Variants in MGAT5 observed in about 807,000 individuals in gnomAD.
The protein encoded by MGAT5 is alpha-1,6-mannosylglycoprotein 6-beta-N-acetylglucosaminyltransferase, also known as alpha-1,6-mannosylglycoprotein 6-beta-N-acetylglucosaminyltransferase A.
In MGAT5, 30 loss-of-function variants were observed where a neutral mutation model predicts 94.3. The ratio of observed to expected loss-of-function variants is 0.32; its 90% CI spans 0.24 to 0.43. The LOEUF is 0.43. MGAT5 is among the 20% of genes least tolerant of loss of function. The pLI, the probability that MGAT5 is intolerant of heterozygous loss-of-function variation, is 1.00. For synonymous variants in MGAT5, 310 were observed against 322.9 expected (o/e 0.96, Z 0.43); for missense variants, 691 against 905.5 (o/e 0.76, Z 3.04).
intron 2 of MGAT5, among the ~76,000 whole-genome samples, chr2:134,293,465 A>AT (rs1205881647): frequency 1.3e-5 from 2 of 149,100 alleles, no homozygotes; most frequent in East Asian, 4.1e-4. Context: ...TCTTTGCTTT[A>AT]TTTTTTTATT....
In MGAT5 at chr2:134,274,172, A is replaced by G. The variant is rs149261679; in HGVS notation, c.406+3622A>G. Among the ~76,000 whole-genome samples, 22 of 152,364 alleles carry G rather than the reference A, an allele frequency of 1.4e-4. No homozygotes were observed. The East Asian group carries it at 4.0e-3, about 28-fold the overall frequency. Reference sequence around the variant, plus strand: ...CTTCTAAGGACTGAATGTCTGATATATCTTTGTTCTGCCCATAGTGTCTTG... The same window carrying G: ...CTTCTAAGGACTGAATGTCTGATATGTCTTTGTTCTGCCCATAGTGTCTTG... On this transcript the variant is annotated intron_variant, in intron 2 of 15. Transcript: ENST00000281923.
intron 1 of MGAT5, among the ~76,000 whole-genome samples, chr2:134,229,976 A>C (rs1032838794): frequency 6.6e-6 from 1 of 152,216 alleles, no homozygotes; most frequent in African/African-American, 2.4e-5. Flanking sequence ...ATGAAATAGC[A>C]CTTTACATCT....
chr2:134,306,320 A>G (rs995861236), intron 2 of MGAT5, among the ~76,000 whole-genome samples: 1 of 152,204 alleles, frequency 6.6e-6, no homozygotes, highest in Non-Finnish European at 1.5e-5. Context: ...TCCAAACTAT[A>G]TTACAAACTC....
In MGAT5 at chr2:134,175,088, A is replaced by G. The variant is rs1270713614; in HGVS notation, c.-143+54797A>G. Among the ~76,000 whole-genome samples, 3 of 152,204 alleles carry G rather than the reference A, an allele frequency of 2.0e-5. No homozygotes were observed. In the East Asian group the frequency reaches 5.8e-4, roughly 29 times the overall value. ...AGCCCATATCTCCCTACCAGGGAGT[A>G]TGTGTCCGGGTGTGTGGAGCAGCAG... On this transcript the variant is annotated intron_variant, in intron 1 of 16. Transcript: ENST00000409645.
upstream of MGAT5, among the ~76,000 whole-genome samples, chr2:134,250,578 T>A (rs1183031994): frequency 6.6e-6 from 1 of 152,200 alleles, no homozygotes; most frequent in Admixed American, 6.5e-5. Context: ...TTTTGAAAAG[T>A]CTTAAGTTCT....
intron 1 of MGAT5, among the ~76,000 whole-genome samples, chr2:134,174,345 G>T (rs1688357604): frequency 6.6e-6 from 1 of 152,246 alleles, no homozygotes; most frequent in African/African-American, 2.4e-5. Context: ...AGTAGAGAAA[G>T]GGCAGAATTG....
intron 1 of MGAT5, among the ~76,000 whole-genome samples, chr2:134,237,271 G>A (rs536859811): frequency 3.3e-5 from 5 of 152,212 alleles, no homozygotes; most frequent in South Asian, 4.2e-4. Flanking sequence ...TAAGTCCCTC[G>A]TGTGAGACTT....
At chr2:134,351,452 G>C (rs1679377006) in intron 9 of MGAT5, among the ~76,000 whole-genome samples, 1 of 152,128 alleles carries the variant, frequency 6.6e-6, no homozygotes, top group African/African-American at 2.4e-5. Context: ...ACAAGAGATA[G>C]AGTTTCCAGG....
At chr2:134,389,916 T>G (rs564257098) in intron 10 of MGAT5, among the ~76,000 whole-genome samples, 1 of 152,324 alleles carries the variant, frequency 6.6e-6, no homozygotes, top group South Asian at 2.1e-4. Context: ...CCTTTTACAA[T>G]TATTCTTTCT....
chr2:134,375,263 T>A (rs894857312), intron 10 of MGAT5, among the ~76,000 whole-genome samples: 3 of 152,214 alleles, frequency 2.0e-5, no homozygotes, highest in Non-Finnish European at 4.4e-5. Flanking sequence ...GGATTTGAAT[T>A]ACATCATGTA....
intron 2 of MGAT5, among the ~76,000 whole-genome samples, chr2:134,291,964 G>A (rs1192570610): frequency 6.6e-6 from 1 of 152,092 alleles, no homozygotes; most frequent in Admixed American, 6.5e-5. Context: ...TCTAGAAGGT[G>A]TCCGTCTCAG....
chr2:134,454,068 T>C lies in MGAT5; in HGVS notation c.*5221T>C, dbSNP rs1686239102. 6.6e-6 allele frequency: 1 copy of C among 152,256 alleles called. No homozygotes were observed. Among genetic ancestry groups the C allele is most frequent in the African/African-American group, 2.4e-5 (1 of 41,462 alleles). 9.4% of individuals were successfully genotyped at this position (152,256 alleles called of 1,614,324 possible). On this transcript the variant is annotated 3_prime_UTR_variant, in exon 16 of 16. Transcript: ENST00000281923. ...ATTTCCCATCTGCAAAGCATCTCTG[T>C]AGCCCAGATTTTGTGGAGCCTTAAG...
At chr2:134,317,880 C>T (rs937670983) in intron 3 of MGAT5, among the ~76,000 whole-genome samples, 5 of 152,132 alleles carry the variant, frequency 3.3e-5, no homozygotes, top group African/African-American at 1.2e-4. Flanking sequence ...GCTGACTTCC[C>T]CTCTCTGTTT....
chr2:134,219,931 AT>A (rs1311439161), intron 1 of MGAT5, among the ~76,000 whole-genome samples: 2 of 152,170 alleles, frequency 1.3e-5, no homozygotes, highest in African/African-American at 4.8e-5. Flanking sequence ...TGGTTGAGTT[AT>A]TGAGAGGAAC....
At chr2:134,136,170 C>T (rs1686399654) in intron 1 of MGAT5, among the ~76,000 whole-genome samples, 1 of 152,162 alleles carries the variant, frequency 6.6e-6, no homozygotes. Context: ...TACCAGTATT[C>T]ATCACCACTT....
chr2:134,189,130 C>T (rs1274662646), intron 1 of MGAT5, among the ~76,000 whole-genome samples: 2 of 152,134 alleles, frequency 1.3e-5, no homozygotes, highest in South Asian at 2.1e-4. Context: ...ATTGGGGTTT[C>T]GTTACATAGG....
intron 10 of MGAT5, among the ~76,000 whole-genome samples, chr2:134,384,731 A>G (rs1366882392): frequency 1.3e-5 from 2 of 152,232 alleles, no homozygotes; most frequent in African/African-American, 4.8e-5. Context: ...AATTTATGAT[A>G]AAAGTAAGGG....
At chr2:134,201,729 A>C (rs1679795374) in intron 1 of MGAT5, among the ~76,000 whole-genome samples, 1 of 150,964 alleles carries the variant, frequency 6.6e-6, no homozygotes, top group African/African-American at 2.4e-5. Context: ...ATGGTTGTCC[A>C]GGGTGGCCTT....
rs72980066 is a variant in MGAT5, at chr2:134,411,760, C to T, written c.1531-1109C>T. ...AAGGAGGGGATTGCTGTGAAAAGACCGAGGGAAAAACAGAACCAAGCTTGC... is the reference window on the plus strand; with the variant it reads ...AAGGAGGGGATTGCTGTGAAAAGACTGAGGGAAAAACAGAACCAAGCTTGC... On this transcript the variant is annotated intron_variant, in intron 11 of 15. Coordinates refer to ENST00000281923, the MANE Select transcript of MGAT5 (RefSeq NM_002410.5). Among the ~76,000 whole-genome samples, 1,218 of 152,244 alleles carry T rather than the reference C, an allele frequency of 8.0e-3. 19 individuals are homozygous for T. Among genetic ancestry groups the T allele is most frequent in the African/African-American group, 0.027 (1,128 of 41,542 alleles).
Sources: gnomAD v4.1 joint callset for allele counts (sites outside exome capture counted in the v4.1 genomes callset) on GRCh38, gnomAD v4.1.1 for gene constraint, MANE v1.5 for transcripts, NCBI Gene and HGNC (gene_info 2026-07-23, HGNC 2026-07-21) for gene names.